Variants in FHOD3 observed in about 807,000 individuals in gnomAD.
FHOD3 encodes FH1/FH2 domain-containing protein 3.
A neutral mutation model predicts 173.0 loss-of-function variants in FHOD3; 90 were observed. The observed-to-expected ratio is 0.52, with a 90% CI of 0.44 to 0.62. The LOEUF is 0.62. FHOD3 is among the 20% of genes least tolerant of loss of function. FHOD3 has a pLI of 0.00. For synonymous variants in FHOD3, 828 were observed against 823.0 expected (o/e 1.01, Z -0.10); for missense variants, 1,945 against 2,034.7 (o/e 0.96, Z 0.85).
chr18:36,686,199 A>C (rs2038602940), intron 15 of FHOD3, among the ~76,000 whole-genome samples: 1 of 152,128 alleles, frequency 6.6e-6, no homozygotes, highest in Admixed American at 6.5e-5. Flanking sequence ...CATGGAATCA[A>C]CCCAAATGCC....
chr18:36,586,554 G>A (rs1487964184), intron 6 of FHOD3, among the ~76,000 whole-genome samples: 2 of 151,240 alleles, frequency 1.3e-5, no homozygotes, highest in Non-Finnish European at 2.9e-5. Flanking sequence ...GCACGATCTC[G>A]GCTCACTGCA....
intron 6 of FHOD3, among the ~76,000 whole-genome samples, chr18:36,588,037 G>C (rs779274629): frequency 1.5e-4 from 23 of 152,166 alleles, no homozygotes; most frequent in Non-Finnish European, 2.5e-4. Flanking sequence ...GCCAACCATA[G>C]TCTCCACACT....
chr18:36,467,797 G>A (rs112673550), intron 3 of FHOD3, among the ~76,000 whole-genome samples: 6 of 152,322 alleles, frequency 3.9e-5, no homozygotes, highest in African/African-American at 1.4e-4. Flanking sequence ...CACAGAGATG[G>A]GCTCTGTTTA....
chr18:36,584,169 T>C (rs2058949571), intron 6 of FHOD3, among the ~76,000 whole-genome samples: 1 of 152,166 alleles, frequency 6.6e-6, no homozygotes, highest in African/African-American at 2.4e-5. Context: ...TTCATTTTCC[T>C]CCCCTACCCT....
At position 36,658,071 on chromosome 18, in the gene FHOD3, T is replaced by G. The variant is rs2036540063; in HGVS notation, c.1722-4T>G. The G allele has an allele frequency of 6.2e-7, 1 of 1,604,352 alleles. No homozygotes were observed. The highest frequency in any genetic ancestry group is 8.5e-7 in the Non-Finnish European group (1 of 1,174,498). On this transcript the variant is annotated splice_polypyrimidine_tract_variant and splice_region_variant and intron_variant, in intron 13 of 28. Coordinates refer to ENST00000590592, the MANE Select transcript of FHOD3 (RefSeq NM_001281740.3). ...CCCCCAACTTAAACCTCTGCACTTC[T>G]TAGATACAGCAATTTTGGCAATAAC... is the stretch of plus-strand genomic sequence containing the variant.
At chr18:36,677,120 T>A (rs1415899831) in intron 14 of FHOD3, among the ~76,000 whole-genome samples, 1 of 152,114 alleles carries the variant, frequency 6.6e-6, no homozygotes, top group Non-Finnish European at 1.5e-5. Flanking sequence ...TTAAACTATC[T>A]AGAATTTATT....
In FHOD3 at chr18:36,669,772, A is replaced by C. The variant is rs191582718; in HGVS notation, c.1835+11584A>C. On this transcript the variant is annotated intron_variant, in intron 14 of 28. Coordinates refer to ENST00000590592, the MANE Select transcript of FHOD3 (RefSeq NM_001281740.3). ...CATTGTTATTATGTCTGCTGTAAAC[A>C]ATTGATTATCTTTTAAATATATTTA... 3.2e-3 allele frequency among the ~76,000 whole-genome samples: 480 copies of C among 152,054 alleles called. 4 individuals are homozygous for C. Among genetic ancestry groups the C allele is most frequent in the African/African-American group, 7.5e-3 (313 of 41,544 alleles).
At chr18:36,619,855 C>T (rs1427474845) in intron 9 of FHOD3, among the ~76,000 whole-genome samples, 1 of 152,120 alleles carries the variant, frequency 6.6e-6, no homozygotes, top group East Asian at 1.9e-4. Flanking sequence ...GGAAGGAAGG[C>T]CTGATGAAAG....
chr18:36,576,206 A>G (rs1447045867), intron 5 of FHOD3, among the ~76,000 whole-genome samples: 1 of 152,226 alleles, frequency 6.6e-6, no homozygotes, highest in African/African-American at 2.4e-5. Flanking sequence ...AGAAACAACA[A>G]TCACTGGATT....
intron 1 of FHOD3, among the ~76,000 whole-genome samples, chr18:36,332,077 T>C (rs2045046110): frequency 6.6e-6 from 1 of 152,178 alleles, no homozygotes; most frequent in South Asian, 2.1e-4. Context: ...TCCTGCAGTG[T>C]TCCCTTCAGC....
intron 1 of FHOD3, among the ~76,000 whole-genome samples, chr18:36,311,186 G>T (rs1160998252): frequency 6.6e-6 from 1 of 151,094 alleles, no homozygotes; most frequent in African/African-American, 2.4e-5. Context: ...AGGGAGACAG[G>T]GACAAGCCTC....
intron 10 of FHOD3, among the ~76,000 whole-genome samples, chr18:36,626,254 A>G (rs1444166447): frequency 1.3e-5 from 2 of 152,192 alleles, no homozygotes; most frequent in Non-Finnish European, 2.9e-5. Flanking sequence ...ATTTAGTCTG[A>G]AACATTTTTA....
intron 10 of FHOD3, 66 bp from the exon 11 acceptor site, chr18:36,649,250 C>A: frequency 1.8e-6 from 2 of 1,092,658 alleles, no homozygotes; most frequent in South Asian, 1.5e-5. Context: ...TCCTGTTTGT[C>A]TGTAATGCTC....
chr18:36,303,905 T>A (rs1374372125), intron 1 of FHOD3, among the ~76,000 whole-genome samples: 1 of 152,154 alleles, frequency 6.6e-6, no homozygotes, highest in Non-Finnish European at 1.5e-5. Context: ...TTCTGAGCTT[T>A]GTTCTGAACT....
At chr18:36,704,798 C>G (rs1052094175) in intron 17 of FHOD3, among the ~76,000 whole-genome samples, 7 of 152,172 alleles carry the variant, frequency 4.6e-5, no homozygotes, top group Admixed American at 4.6e-4. Context: ...TCAAAGGGAG[C>G]CAGCAGCCCT....
intron 27 of FHOD3, among the ~76,000 whole-genome samples, chr18:36,765,664 T>C (rs1370962115): frequency 1.3e-5 from 2 of 152,164 alleles, no homozygotes; most frequent in Non-Finnish European, 2.9e-5. Context: ...AAATGGATAT[T>C]CCAGAACTAC....
chr18:36,403,111 C>CT (rs1263501776), intron 3 of FHOD3, among the ~76,000 whole-genome samples: 1 of 152,150 alleles, frequency 6.6e-6, no homozygotes, highest in Non-Finnish European at 1.5e-5. Flanking sequence ...TGAAAATCCT[C>CT]TAAGACCAGA....
intron 10 of FHOD3, among the ~76,000 whole-genome samples, chr18:36,646,753 G>A (rs911582759): frequency 2.0e-5 from 3 of 152,210 alleles, no homozygotes; most frequent in African/African-American, 7.2e-5. Flanking sequence ...AGGACACAGA[G>A]ACTATCTTTA....
At chr18:36,354,170 G>T (rs1488685583) in intron 1 of FHOD3, among the ~76,000 whole-genome samples, 1 of 152,192 alleles carries the variant, frequency 6.6e-6, no homozygotes, top group East Asian at 1.9e-4. Context: ...GTTGATACAA[G>T]CTGCATTTTG....
Sources: allele counts gnomAD v4.1 joint callset (sites outside exome capture counted in the v4.1 genomes callset), GRCh38; gene constraint gnomAD v4.1.1; transcripts MANE v1.5; gene names NCBI Gene and HGNC (gene_info 2026-07-23, HGNC 2026-07-21).